The following APPBP2 variants were observed in gnomAD, a reference collection of about 807,000 sequenced individuals.
APPBP2 encodes amyloid beta precursor protein binding protein 2, also known as amyloid protein-binding protein 2.
A neutral mutation model predicts 76.0 loss-of-function variants in APPBP2; 15 were observed. That is an observed-to-expected ratio of 0.20 (90% CI 0.13 to 0.30). APPBP2 has a LOEUF of 0.30. APPBP2 is among the 10% of genes least tolerant of loss of function. The probability of loss-of-function intolerance (pLI) is 1.00; values close to 1 mark genes in which losing one functional copy is unlikely to be tolerated. For missense variants in APPBP2, 401 were observed against 687.2 expected (o/e 0.58, Z 4.66); for synonymous variants, 222 against 242.2 (o/e 0.92, Z 0.77).
At chr17:60,490,465 A>G (rs1268098591) in intron 3 of APPBP2, among the ~76,000 whole-genome samples, 1 of 152,154 alleles carries the variant, frequency 6.6e-6, no homozygotes, top group Non-Finnish European at 1.5e-5. Flanking sequence ...TGAGCCCAGG[A>G]GTTCAAGACC....
intron 4 of APPBP2, among the ~76,000 whole-genome samples, chr17:60,470,012 A>AT (rs1326803509): frequency 8.6e-5 from 13 of 151,206 alleles, no homozygotes; most frequent in African/African-American, 2.9e-4. Context: ...AAAGTTTCCA[A>AT]TTTCTTTTTT....
chr17:60,458,241 C>A (rs185774939), intron 9 of APPBP2, among the ~76,000 whole-genome samples: 1 of 152,258 alleles, frequency 6.6e-6, no homozygotes, highest in East Asian at 1.9e-4. Flanking sequence ...CGAGACCAGT[C>A]TGGCCAACAT....
chr17:60,482,595 C>T (rs1174130127), intron 3 of APPBP2, among the ~76,000 whole-genome samples: 1 of 152,156 alleles, frequency 6.6e-6, no homozygotes, highest in Non-Finnish European at 1.5e-5. Context: ...GACCGCCACC[C>T]CACAACAGGC....
At chr17:60,466,537 G>T in intron 4 of APPBP2, 78 bp from the exon 5 acceptor site, 4 of 1,352,362 alleles carry the variant, frequency 3.0e-6, no homozygotes, top group Non-Finnish European at 3.1e-6. Flanking sequence ...CCAATCACCT[G>T]AATGACTTAA....
intron 1 of APPBP2, among the ~76,000 whole-genome samples, chr17:60,521,928 C>T (rs189216308): frequency 5.3e-5 from 8 of 152,300 alleles, no homozygotes; most frequent in Admixed American, 4.6e-4. Context: ...GTTACAACTG[C>T]CTACGGTACT....
chr17:60,507,962 C>T (rs928533668), intron 1 of APPBP2, among the ~76,000 whole-genome samples: 1 of 150,730 alleles, frequency 6.6e-6, no homozygotes, highest in Non-Finnish European at 1.5e-5. Flanking sequence ...CAAGTTGTTT[C>T]TTTTTTTTCC....
chr17:60,500,167 C>T (rs113964216), intron 2 of APPBP2, among the ~76,000 whole-genome samples: 143 of 152,152 alleles, frequency 9.4e-4, no homozygotes, highest in African/African-American at 3.0e-3. Context: ...CCTACCACCA[C>T]GCCCAGCTAA....
rs1598376965 is a variant in APPBP2, at chr17:60,516,985, C to CA, written c.138+8808dup. 2.0e-5 allele frequency among the ~76,000 whole-genome samples: 3 copies of CA among 151,920 alleles called. No individual in the cohort carries two copies. The East Asian group carries it at 5.8e-4, about 29-fold the overall frequency. ...AAATTCTCTTCAAAAAACAAACAAA[C>CA]AAAAAACTGAGTATTTTTCTCGCTG... On this transcript the variant is annotated intron_variant, in intron 1 of 12. Transcript: ENST00000083182.
intron 10 of APPBP2, among the ~76,000 whole-genome samples, chr17:60,455,033 A>T (rs1355841897): frequency 6.6e-6 from 1 of 152,210 alleles, no homozygotes; most frequent in Non-Finnish European, 1.5e-5. Context: ...TATACATATT[A>T]TTTTACCAGA....
chr17:60,458,334 T>C (rs2090447255), intron 9 of APPBP2, among the ~76,000 whole-genome samples: 1 of 151,634 alleles, frequency 6.6e-6, no homozygotes, highest in Admixed American at 6.6e-5. Flanking sequence ...CTCAGGTGGC[T>C]GAGACAGGAG....
chr17:60,455,147 G>A (rs906654768), intron 10 of APPBP2, among the ~76,000 whole-genome samples: 3 of 151,962 alleles, frequency 2.0e-5, no homozygotes, highest in African/African-American at 7.3e-5. Flanking sequence ...ATAATTATAA[G>A]AGTCAAATAA....
At chr17:60,477,238 T>C (rs1053890418) in intron 4 of APPBP2, among the ~76,000 whole-genome samples, 8 of 152,128 alleles carry the variant, frequency 5.3e-5, no homozygotes, top group Non-Finnish European at 8.8e-5. Flanking sequence ...CTAAACCTTT[T>C]GGTAAGGCTA....
At chr17:60,487,778 C>A (rs2090692517) in intron 3 of APPBP2, among the ~76,000 whole-genome samples, 1 of 152,202 alleles carries the variant, frequency 6.6e-6, no homozygotes, top group African/African-American at 2.4e-5. Context: ...AAAAGGCACT[C>A]TGGTTTTTAG....
chr17:60,467,589 T>C (rs936710742), intron 4 of APPBP2, among the ~76,000 whole-genome samples: 1 of 152,176 alleles, frequency 6.6e-6, no homozygotes, highest in African/African-American at 2.4e-5. Context: ...AGAAGGGTAT[T>C]AGTGTGGGCA....
intron 3 of APPBP2, among the ~76,000 whole-genome samples, chr17:60,491,213 G>A (rs1258649618): frequency 6.6e-6 from 1 of 152,122 alleles, no homozygotes; most frequent in Non-Finnish European, 1.5e-5. Flanking sequence ...AGATGGAGAT[G>A]AGGAACTTGT....
At chr17:60,513,133 G>C (rs2090931829) in intron 1 of APPBP2, 1 of 285,172 alleles carries the variant, frequency 3.5e-6, no homozygotes, top group South Asian at 5.1e-5. Flanking sequence ...AGCTCGGAAG[G>C]TGTCCAGAAG....
At position 60,519,082 on chromosome 17, in the gene APPBP2, C is replaced by T. The variant is rs192258994; in HGVS notation, c.138+6712G>A. On this transcript the variant is annotated intron_variant, in intron 1 of 12. Transcript: ENST00000083182. ...CTTCAAATGATCCTTCCACCTCAGC[C>T]TCCCAAGCAACTGGGACCACAGGCA... is the stretch of plus-strand genomic sequence containing the variant. Among the ~76,000 whole-genome samples, 239 of 152,190 alleles carry T rather than the reference C, an allele frequency of 1.6e-3. 1 individual carries two copies. Among genetic ancestry groups the T allele is most frequent in the African/African-American group, 5.0e-3 (207 of 41,526 alleles).
At chr17:60,487,596 A>C (rs1043764089) in intron 3 of APPBP2, among the ~76,000 whole-genome samples, 2 of 152,164 alleles carry the variant, frequency 1.3e-5, no homozygotes, top group Non-Finnish European at 2.9e-5. Context: ...CCATTTGTCT[A>C]ATCTTTTTTC....
intron 3 of APPBP2, among the ~76,000 whole-genome samples, chr17:60,483,764 T>C (rs2090650418): frequency 6.6e-6 from 1 of 152,236 alleles, no homozygotes; most frequent in South Asian, 2.1e-4. Flanking sequence ...TTGGCTTTTG[T>C]TGCCATTGCT....
Sources: allele counts gnomAD v4.1 joint callset (sites outside exome capture counted in the v4.1 genomes callset), GRCh38; gene constraint gnomAD v4.1.1; transcripts MANE v1.5; gene names NCBI Gene and HGNC (gene_info 2026-07-23, HGNC 2026-07-21).